Variants in ZNF232 observed in about 807,000 individuals in gnomAD.
ZNF232 encodes the protein zinc finger and SCAN domain-containing protein 11.
In ZNF232, 25 loss-of-function variants were observed where a neutral mutation model predicts 25.2. That is an observed-to-expected ratio of 0.99 (90% CI 0.72 to 1.39). The LOEUF is 1.39. ZNF232 is among the 40% of genes most tolerant of loss of function. The probability of loss-of-function intolerance (pLI) is 0.00; values close to 1 mark genes in which losing one functional copy is unlikely to be tolerated. For missense variants in ZNF232, 519 were observed against 520.9 expected (o/e 1.00, Z 0.04); for synonymous variants, 193 against 182.9 (o/e 1.06, Z -0.45).
chr17:5,112,271 A>G (rs1227898545), upstream of ZNF232: 6 of 184,014 alleles, frequency 3.3e-5, no homozygotes, highest in Non-Finnish European at 6.8e-5. Flanking sequence ...ACCTCTTCCC[A>G]GACCTGATGA....
upstream of ZNF232, chr17:5,111,990 C>A: frequency 3.0e-6 from 3 of 1,004,062 alleles, no homozygotes; most frequent in Non-Finnish European, 4.3e-6. Context: ...GCTGGGAGCC[C>A]GGGAACCGGT....
At chr17:5,107,418 A>G (rs1010152222) in intron 3 of ZNF232, among the ~76,000 whole-genome samples, 4 of 151,082 alleles carry the variant, frequency 2.6e-5, no homozygotes, top group African/African-American at 9.7e-5. Flanking sequence ...AAAAAAAAAA[A>G]AGAGTGTGTT....
exon 2 of ZNF232, chr17:5,109,413 C>A (rs1477506207): frequency 6.2e-7 from 1 of 1,614,042 alleles, no homozygotes. Flanking sequence ...TGGTTCAAGT[C>A]CTTTCTCTAA....
intron 3 of ZNF232, among the ~76,000 whole-genome samples, chr17:5,107,632 T>C (rs1313275112): frequency 1.3e-5 from 2 of 150,594 alleles, no homozygotes; most frequent in East Asian, 4.0e-4. Flanking sequence ...TCTGCTTCCC[T>C]GGTTCAAGTG....
chr17:5,108,875 C>G (rs765254369), intron 3 of ZNF232, 51 bp downstream of exon 3: 6 of 1,612,466 alleles, frequency 3.7e-6, no homozygotes, highest in Admixed American at 1.7e-5. Context: ...GTACTGTGCC[C>G]TTTATAGTCC....
intron 1 of ZNF232, chr17:5,120,767 C>T (rs1267436903): frequency 2.2e-6 from 1 of 444,974 alleles, no homozygotes; most frequent in Admixed American, 2.4e-5. Flanking sequence ...ACAAGGATGC[C>T]AAGGGCTGTT....
chr17:5,116,860 T>C (rs956627067), intron 1 of ZNF232: 1 of 152,242 alleles, frequency 6.6e-6, no homozygotes, highest in Non-Finnish European at 1.5e-5. Context: ...CTTATCACGG[T>C]ACCCAACACA....
upstream of ZNF232, chr17:5,114,960 C>A (rs1161099379): frequency 3.9e-5 from 6 of 152,224 alleles, no homozygotes; most frequent in Non-Finnish European, 8.8e-5. Flanking sequence ...CTGGTCACAG[C>A]CTTGCAGCCT....
chr17:5,112,849 C>T (rs1474980133), upstream of ZNF232, among the ~76,000 whole-genome samples: 1 of 151,826 alleles, frequency 6.6e-6, no homozygotes, highest in Non-Finnish European at 1.5e-5. Flanking sequence ...CCTGTAGTCC[C>T]CACTACTCAG....
chr17:5,122,713 C>G (rs1597961258), intron 1 of ZNF232, among the ~76,000 whole-genome samples: 1 of 152,326 alleles, frequency 6.6e-6, no homozygotes, highest in East Asian at 1.9e-4. Flanking sequence ...AGCTCCCACC[C>G]GGAGCCCAGC....
At chr17:5,120,262 G>A (rs144104650) in intron 1 of ZNF232, among the ~76,000 whole-genome samples, 1,803 of 152,240 alleles carry the variant, frequency 0.012, 15 homozygotes, top group Non-Finnish European at 0.019. Flanking sequence ...TGTGCTGTGG[G>A]GTTGGTGGTG....
exon 2 of ZNF232, chr17:5,109,735 CCAT>C (rs775483531): frequency 6.2e-7 from 1 of 1,614,136 alleles, no homozygotes; most frequent in Non-Finnish European, 8.5e-7. Flanking sequence ...TCCTTTGGTC[CCAT>C]CATCATCATC....
exon 3 of ZNF232, chr17:5,108,951 C>T: frequency 6.2e-7 from 1 of 1,614,130 alleles, no homozygotes; most frequent in African/African-American, 1.3e-5. Context: ...GCTGGGTCTC[C>T]TTAGGCTGGA....
chr17:5,105,850 G>A, exon 4 of ZNF232: 1 of 1,603,160 alleles, frequency 6.2e-7, no homozygotes, highest in Non-Finnish European at 8.5e-7. Context: ...TTTCTGGCAT[G>A]AACTCTCCGA....
In ZNF232 at chr17:5,106,438, C is replaced by A; in HGVS notation, c.694G>T (p.Glu232Ter). 1 of 1,614,226 alleles carries A rather than the reference C, an allele frequency of 6.2e-7. No individual in the cohort carries two copies. The highest frequency in any genetic ancestry group is 1.3e-5 in the African/African-American group (1 of 75,062). The change falls in exon 4 of 4, where the codon GAA becomes TAA. Residue 232 changes from glutamate (E) to a stop codon, truncating the protein, a stop_gained. Transcript: ENST00000575898. LOFTEE classifies it low-confidence loss of function (END_TRUNC). Reference sequence around the variant, plus strand: ...AGTTTTTCTGAGAACACCTGTGATTCCACTTCAGTAATGGGTGGTTGTGGC... The same window carrying A: ...AGTTTTTCTGAGAACACCTGTGATTACACTTCAGTAATGGGTGGTTGTGGC...
chr17:5,122,749 G>A (rs2072728246), intron 1 of ZNF232, among the ~76,000 whole-genome samples: 1 of 152,240 alleles, frequency 6.6e-6, no homozygotes, highest in Admixed American at 6.5e-5. Context: ...CCCGCAGCGG[G>A]TATCCCCAAA....
intron 1 of ZNF232, chr17:5,111,542 C>T: frequency 7.1e-6 from 4 of 560,060 alleles, no homozygotes; most frequent in Non-Finnish European, 1.2e-5. Context: ...CCAGGTACAA[C>T]TCCCCTTCCC....
intron 1 of ZNF232, 44 bp downstream of exon 1, chr17:5,111,751 AAAGCC>A: frequency 6.2e-7 from 1 of 1,613,204 alleles, no homozygotes; most frequent in Non-Finnish European, 8.5e-7. Flanking sequence ...GGGACGGGCA[AAAGCC>A]AAGCCGCCAG....
At chr17:5,113,201 C>G (rs2072459233), upstream of ZNF232, among the ~76,000 whole-genome samples, 1 of 152,176 alleles carries the variant, frequency 6.6e-6, no homozygotes, top group African/African-American at 2.4e-5. Flanking sequence ...GATATATTAT[C>G]TTTTTTCCTT....
Sources: allele counts gnomAD v4.1 joint callset (sites outside exome capture counted in the v4.1 genomes callset), GRCh38; gene constraint gnomAD v4.1.1; transcripts MANE v1.5; gene names NCBI Gene and HGNC (gene_info 2026-07-23, HGNC 2026-07-21).